EBF3: variants seen among roughly 807,000 people sequenced by gnomAD.
The protein encoded by EBF3 is transcription factor COE3.
EBF3 carries 18 observed loss-of-function variants against 77.1 expected under a neutral mutation model. The ratio of observed to expected loss-of-function variants is 0.23; its 90% CI spans 0.16 to 0.35. EBF3 has a LOEUF of 0.35. EBF3 is among the 10% of genes least tolerant of loss of function. The pLI, the probability that EBF3 is intolerant of heterozygous loss-of-function variation, is 1.00. For missense variants in EBF3, 558 were observed against 860.0 expected (o/e 0.65, Z 4.39); for synonymous variants, 350 against 343.5 (o/e 1.02, Z -0.21).
intron 8 of EBF3, among the ~76,000 whole-genome samples, chr10:129,869,405 G>A (rs1265127364): frequency 3.5e-5 from 4 of 113,528 alleles, no homozygotes; most frequent in Non-Finnish European, 7.2e-5. Flanking sequence ...CCACCACCCC[G>A]CCAGCTCCTG....
Position 129,870,635 on chromosome 10 carries a change from C to T in EBF3, c.782-2723G>A, listed in dbSNP as rs190682197. Among the ~76,000 whole-genome samples the T allele has an allele frequency of 6.6e-6, 1 of 152,134 alleles. No homozygotes were observed. The highest frequency in any genetic ancestry group is 1.5e-5 in the Non-Finnish European group (1 of 68,032). On this transcript the variant is annotated intron_variant, in intron 8 of 16. Coordinates refer to ENST00000440978, the MANE Select transcript of EBF3 (RefSeq NM_001375380.1). This position sits in a 1 kb window ranked among gnomAD's most constrained non-coding sequence, Gnocchi z 4.4. ...GGAGAAGAGGCGCTCACAAGGAACA[C>T]CCTCTGCCCATCGTGACCCCCGCCG... is the stretch of plus-strand genomic sequence containing the variant.
intron 6 of EBF3, among the ~76,000 whole-genome samples, chr10:129,916,263 C>T (rs1855880328): frequency 1.3e-5 from 2 of 152,214 alleles, no homozygotes; most frequent in South Asian, 2.1e-4. Flanking sequence ...AGGTGCACCA[C>T]ATGCCCACCA....
At chr10:129,844,834 C>T (rs1030917998) in intron 11 of EBF3, among the ~76,000 whole-genome samples, 1 of 152,128 alleles carries the variant, frequency 6.6e-6, no homozygotes, top group East Asian at 1.9e-4. Flanking sequence ...AATCAGGTTT[C>T]GTTAGCCTGA....
In EBF3 at chr10:129,930,938, ATATC is replaced by A. The variant is rs1392222747; in HGVS notation, c.554+26316_554+26319del. On this transcript the variant is annotated intron_variant, in intron 6 of 16. Coordinates refer to ENST00000440978, the MANE Select transcript of EBF3 (RefSeq NM_001375380.1). ...TAACAAATCCCCCTCTCATATATCT[ATATC>A]TATCTTTATATTAACAAATCCCCCT... Among the ~76,000 whole-genome samples, 5 of 144,784 alleles carry A rather than the reference ATATC, an allele frequency of 3.5e-5. No homozygotes were observed. In the Admixed American group the frequency reaches 3.5e-4, roughly 10 times the overall value. 95.0% of individuals were successfully genotyped at this position (144,784 alleles called of 152,430 possible). A position where few individuals can be genotyped will look rare whatever the true frequency, so the allele number is the denominator to read the frequency against.
chr10:129,843,884 GATGCACC>G (rs1850268546), intron 11 of EBF3, among the ~76,000 whole-genome samples: 1 of 152,230 alleles, frequency 6.6e-6, no homozygotes, highest in Admixed American at 6.5e-5. Context: ...TGGGGGCTTG[GATGCACC>G]GAGTTTTGTC....
chr10:129,936,668 AC>A (rs916157996), intron 6 of EBF3, among the ~76,000 whole-genome samples: 8 of 136,160 alleles, frequency 5.9e-5, no homozygotes, highest in African/African-American at 2.3e-4. Flanking sequence ...TGTGTAGGGG[AC>A]CTGCAGCCTG....
At position 129,879,107 on chromosome 10, in the gene EBF3, T is replaced by C. The variant is rs529583785; in HGVS notation, c.555-1258A>G. ...CCGCATTCCTGCATGCTCAGTGACA[T>C]TGCAGGAGAGCTGGCTTCCAGTCTG... On this transcript the variant is annotated intron_variant, in intron 6 of 16. Transcript: ENST00000440978. This position sits in a 1 kb window ranked among gnomAD's most constrained non-coding sequence, Gnocchi z 4.7. 2.0e-5 allele frequency among the ~76,000 whole-genome samples: 3 copies of C among 152,128 alleles called. No individual in the cohort carries two copies. Among genetic ancestry groups the C allele is most frequent in the Non-Finnish European group, 2.9e-5 (2 of 68,020 alleles).
intron 6 of EBF3, among the ~76,000 whole-genome samples, chr10:129,953,840 C>A (rs757129083): frequency 1.3e-5 from 2 of 152,176 alleles, no homozygotes; most frequent in African/African-American, 4.8e-5. Flanking sequence ...CGGGATGGCA[C>A]GAGCAAGTGA....
In EBF3 at chr10:129,856,058, A is replaced by C. The variant is rs146069610; in HGVS notation, c.1040-7578T>G. 2.6e-3 allele frequency among the ~76,000 whole-genome samples: 403 copies of C among 152,230 alleles called. 1 individual carries two copies. The highest frequency in any genetic ancestry group is 9.3e-3 in the African/African-American group (385 of 41,550). Reference sequence around the variant, plus strand: ...CACTCCCGTGGGGACGTTCCCAGCCACCCCATGCACTTGTTCAGGCATCTG... The same window carrying C: ...CACTCCCGTGGGGACGTTCCCAGCCCCCCCATGCACTTGTTCAGGCATCTG... On this transcript the variant is annotated intron_variant, in intron 10 of 16. Coordinates refer to ENST00000440978, the MANE Select transcript of EBF3 (RefSeq NM_001375380.1).
At chr10:129,936,187 C>T (rs897431366) in intron 6 of EBF3, among the ~76,000 whole-genome samples, 1 of 152,230 alleles carries the variant, frequency 6.6e-6, no homozygotes, top group Non-Finnish European at 1.5e-5. Flanking sequence ...AAAGTCCCCT[C>T]CCTTCACCTG....
rs1389521723 is a variant in EBF3, at chr10:129,879,339, C to T, written c.555-1490G>A. 1.3e-5 allele frequency among the ~76,000 whole-genome samples: 2 copies of T among 152,178 alleles called. No individual in the cohort carries two copies. Among genetic ancestry groups the T allele is most frequent in the South Asian group, 2.1e-4 (1 of 4,826 alleles). ...CATCAACACAAACCTTTCTCTACTT[C>T]CTCCCAAAATATCATCTGTCCTACT... On this transcript the variant is annotated intron_variant, in intron 6 of 16. Coordinates refer to ENST00000440978, the MANE Select transcript of EBF3 (RefSeq NM_001375380.1). This position sits in a 1 kb window ranked among gnomAD's most constrained non-coding sequence, Gnocchi z 4.7.
At position 129,963,355 on chromosome 10, in the gene EBF3, G is replaced by A. The variant is rs371472368; in HGVS notation, c.291+12C>T. ...AGAAAGAGAGAGGGTGTGATCGTGTGTTTGCACTTACTTTCTCTTTCTCCA... is the reference window on the plus strand; with the variant it reads ...AGAAAGAGAGAGGGTGTGATCGTGTATTTGCACTTACTTTCTCTTTCTCCA... On this transcript the variant is annotated intron_variant, in intron 2 of 16. Coordinates refer to ENST00000440978, the MANE Select transcript of EBF3 (RefSeq NM_001375380.1). This position sits in a 1 kb window ranked among gnomAD's most constrained non-coding sequence, Gnocchi z 7.1. The A allele has an allele frequency of 7.7e-5, 122 of 1,577,424 alleles. No homozygotes were observed. The highest frequency in any genetic ancestry group is 1.7e-4 in the Middle Eastern group (1 of 5,896).
chr10:129,953,569 G>A (rs965601228), intron 6 of EBF3, among the ~76,000 whole-genome samples: 6 of 152,238 alleles, frequency 3.9e-5, no homozygotes, highest in Non-Finnish European at 8.8e-5. Flanking sequence ...GCCTGCCGCA[G>A]AGATGCCAGC....
intron 14 of EBF3, 95 bp downstream of exon 14, chr10:129,840,749 T>C: frequency 6.7e-7 from 1 of 1,492,106 alleles, no homozygotes; most frequent in African/African-American, 1.4e-5. Flanking sequence ...TTTTATCCAG[T>C]AGCTCACATC....
rs574189268 is a variant in EBF3 at position 129,915,452 on chromosome 10, G to A, written c.555-37603C>T. ...ATTTAAAACACTCACCCATGCATGC[G>A]CGCACACATGCACACACACACACAC... On this transcript the variant is annotated intron_variant, in intron 6 of 16. Coordinates refer to ENST00000440978, the MANE Select transcript of EBF3 (RefSeq NM_001375380.1). Among the ~76,000 whole-genome samples, 100 of 135,194 alleles carry A rather than the reference G, an allele frequency of 7.4e-4. 1 individual carries two copies. The highest frequency in any genetic ancestry group is 2.7e-3 in the African/African-American group (92 of 33,618). The allele number at this position is 135,194 out of a possible 152,430, so 88.7% of individuals were successfully genotyped here.
intron 11 of EBF3, among the ~76,000 whole-genome samples, chr10:129,847,718 G>C (rs1232769114): frequency 1.3e-5 from 2 of 152,156 alleles, no homozygotes; most frequent in East Asian, 3.9e-4. Flanking sequence ...GAGAGAAAGA[G>C]ACAAAATTAT....
chr10:129,836,860 C>T lies in EBF3; in HGVS notation c.*1083G>A, dbSNP rs1008181491. 2 of 152,572 alleles carry T rather than the reference C, an allele frequency of 1.3e-5. No homozygotes were observed. Among genetic ancestry groups the T allele is most frequent in the African/African-American group, 4.8e-5 (2 of 41,410 alleles). 9.5% of individuals were successfully genotyped at this position (152,572 alleles called of 1,614,324 possible). On this transcript the variant is annotated 3_prime_UTR_variant, in exon 17 of 17. Coordinates refer to ENST00000440978, the MANE Select transcript of EBF3 (RefSeq NM_001375380.1). ...ATTGATATGTTACAAAATAAAGTCCCTTAGCAACTGCAAGTGTTCATGGGA... is the reference window on the plus strand; with the variant it reads ...ATTGATATGTTACAAAATAAAGTCCTTTAGCAACTGCAAGTGTTCATGGGA...
rs553724604 is a variant in EBF3, at chr10:129,906,564, T to G, written c.555-28715A>C. ...GAGTCTAGGGAGAGGACAGTCCCTA[T>G]GGGACCAGAGGACGCTTCTGCTTAG... On this transcript the variant is annotated intron_variant, in intron 6 of 16. Coordinates refer to ENST00000440978, the MANE Select transcript of EBF3 (RefSeq NM_001375380.1). Among the ~76,000 whole-genome samples the G allele has an allele frequency of 7.1e-4, 108 of 152,300 alleles. 1 individual carries two copies. Among genetic ancestry groups the G allele is most frequent in the African/African-American group, 2.5e-3 (103 of 41,568 alleles).
chr10:129,925,825 G>A (rs958330122), intron 6 of EBF3, among the ~76,000 whole-genome samples: 6 of 151,926 alleles, frequency 3.9e-5, no homozygotes, highest in Non-Finnish European at 5.9e-5. Context: ...CAAAGCCCAC[G>A]CACCACGTAG....
Sources: gnomAD v4.1 joint callset for allele counts (sites outside exome capture counted in the v4.1 genomes callset) on GRCh38, gnomAD v4.1.1 for gene constraint, Gnocchi (gnomAD v3.1) non-coding constraint, MANE v1.5 for transcripts, NCBI Gene and HGNC (gene_info 2026-07-23, HGNC 2026-07-21) for gene names.